Variants in TRNAU1AP observed in about 807,000 individuals in gnomAD.
The protein encoded by TRNAU1AP is tRNA selenocysteine 1 associated protein 1.
TRNAU1AP carries 33 observed loss-of-function variants against 43.3 expected under a neutral mutation model. The ratio of observed to expected loss-of-function variants is 0.76; its 90% CI spans 0.58 to 1.02. The LOEUF (loss-of-function observed/expected upper bound fraction) is 1.02. TRNAU1AP is among the 50% of genes least tolerant of loss of function. The probability of loss-of-function intolerance (pLI) is 0.00; values close to 1 mark genes in which losing one functional copy is unlikely to be tolerated. For missense variants in TRNAU1AP, 290 were observed against 362.7 expected, an observed-to-expected ratio of 0.80 and a Z score of 1.63; for synonymous variants, 143 against 129.1, an observed-to-expected ratio of 1.11 and a Z score of -0.73.
intron 2 of TRNAU1AP, among the ~76,000 whole-genome samples, chr1:28,557,469 CT>C (rs753718490): frequency 0.096 from 11,286 of 118,146 alleles, 887 homozygotes; most frequent in African/African-American, 0.25. Flanking sequence ...TTACATGTTT[CT>C]TTTTTTTTTT....
intron 5 of TRNAU1AP, 93 bp downstream of exon 5, chr1:28,564,927 G>A (rs780772365): frequency 4.0e-6 from 6 of 1,501,058 alleles, no homozygotes; most frequent in Non-Finnish European, 5.5e-6. Flanking sequence ...GCAGCATGGC[G>A]ATTAAGACCA....
chr1:28,553,211 T>C lies in TRNAU1AP; in HGVS notation c.27+74T>C, dbSNP rs59610840. Reference sequence around the variant, plus strand: ...TTTCGCGAGAGAGGAAGGATCTGAGTGGGAGGGGACTTGGGATCCCAGAAA... The same window carrying C: ...TTTCGCGAGAGAGGAAGGATCTGAGCGGGAGGGGACTTGGGATCCCAGAAA... On this transcript the variant is annotated intron_variant, in intron 1 of 8. Coordinates refer to ENST00000373830, the MANE Select transcript of TRNAU1AP (RefSeq NM_017846.5). 3.4e-3 allele frequency: 4,735 copies of C among 1,396,372 alleles called. 110 individuals are homozygous for C. In the African/African-American group the frequency reaches 0.056, roughly 17 times the overall value. The allele number at this position is 1,396,372 out of a possible 1,614,324, so 86.5% of individuals were successfully genotyped here. A position where few individuals can be genotyped will look rare whatever the true frequency, so the allele number is the denominator to read the frequency against.
At chr1:28,560,772 T>C (rs756011550) in intron 3 of TRNAU1AP, 40 bp downstream of exon 3, 7 of 1,484,222 alleles carry the variant, frequency 4.7e-6, no homozygotes, top group Non-Finnish European at 5.6e-6. Flanking sequence ...CCATTATTAT[T>C]GTCATTGCTT....
intron 6 of TRNAU1AP, among the ~76,000 whole-genome samples, chr1:28,570,037 G>A (rs570245987): frequency 7.0e-4 from 106 of 152,066 alleles, no homozygotes; most frequent in African/African-American, 2.4e-3. Context: ...AAGGCGGGGT[G>A]CTGTGGCTCA....
chr1:28,553,467 G>C, intron 1 of TRNAU1AP, 173 bp from the exon 2 acceptor site: 1 of 658,120 alleles, frequency 1.5e-6, no homozygotes. Flanking sequence ...CCTAAAGCGG[G>C]GCAAGCTTGA....
chr1:28,559,382 A>G (rs1665354217), intron 2 of TRNAU1AP, among the ~76,000 whole-genome samples: 1 of 152,114 alleles, frequency 6.6e-6, no homozygotes, highest in African/African-American at 2.4e-5. Context: ...TAATCCTAGC[A>G]CTTTGAGAGG....
intron 3 of TRNAU1AP, 200 bp downstream of exon 3, chr1:28,560,932 C>T: frequency 1.1e-6 from 1 of 902,116 alleles, no homozygotes; most frequent in Non-Finnish European, 1.6e-6. Flanking sequence ...TAGTAAATGG[C>T]AGAGCCAGGA....
In TRNAU1AP at chr1:28,577,930, G is replaced by T. The variant is rs1440592460; in HGVS notation, c.*294G>T. 1.2e-5 allele frequency: 3 copies of T among 246,682 alleles called. No homozygotes were observed. Among genetic ancestry groups the T allele is most frequent in the Admixed American group, 1.1e-4 (2 of 18,728 alleles). 15.3% of individuals were successfully genotyped at this position (246,682 alleles called of 1,614,324 possible). A position where few individuals can be genotyped will look rare whatever the true frequency, so the allele number is the denominator to read the frequency against. The stretch of plus-strand genomic sequence containing the variant: ...TCCAAAACTGGGATGAGCAGCTTGG[G>T]ATAATTCACACACTAAAGCCTGAGT... On this transcript the variant is annotated 3_prime_UTR_variant, in exon 9 of 9. Coordinates refer to ENST00000373830, the MANE Select transcript of TRNAU1AP (RefSeq NM_017846.5).
chr1:28,554,222 A>AC lies in TRNAU1AP; in HGVS notation c.125+485_125+486insC, dbSNP rs1553121337. Among the ~76,000 whole-genome samples, 197 of 142,778 alleles carry AC rather than the reference A, an allele frequency of 1.4e-3. 9 individuals are homozygous for AC. Among genetic ancestry groups the AC allele is most frequent in the African/African-American group, 5.2e-3 (177 of 34,322 alleles). 93.7% of individuals were successfully genotyped at this position (142,778 alleles called of 152,430 possible). On this transcript the variant is annotated intron_variant, in intron 2 of 8. Transcript: ENST00000373830. Reference sequence around the variant, plus strand: ...TCAAAAAAAAAAAAAACAAAAAAACAAAAAACGCAGGACTCAAGCGAGACT... The same window carrying AC: ...TCAAAAAAAAAAAAAACAAAAAAACACAAAAACGCAGGACTCAAGCGAGACT...
intron 8 of TRNAU1AP, among the ~76,000 whole-genome samples, chr1:28,577,073 C>T (rs186414377): frequency 6.6e-6 from 1 of 152,312 alleles, no homozygotes; most frequent in East Asian, 1.9e-4. Flanking sequence ...CTCTAAAGTA[C>T]ATACACACAC....
At chr1:28,574,119 C>T (rs1469100194) in intron 8 of TRNAU1AP, among the ~76,000 whole-genome samples, 13 of 141,402 alleles carry the variant, frequency 9.2e-5, no homozygotes, top group Non-Finnish European at 3.0e-5. Flanking sequence ...CTTGCTCTGT[C>T]ACCCAGGCTG....
At chr1:28,576,397 C>T (rs1451210210) in intron 8 of TRNAU1AP, among the ~76,000 whole-genome samples, 1 of 151,268 alleles carries the variant, frequency 6.6e-6, no homozygotes, top group Non-Finnish European at 1.5e-5. Context: ...CGGCTCACTG[C>T]AACCTCCGCC....
In TRNAU1AP at chr1:28,564,850, T is replaced by C; in HGVS notation, c.410+16T>C. On this transcript the variant is annotated intron_variant, in intron 5 of 8. Transcript: ENST00000373830. ...GCGTGTCTAAGTAAGGCCTTACTTG[T>C]TACTGATGCTTAACTGTGTTAGTTT... is the stretch of plus-strand genomic sequence containing the variant. The C allele has an allele frequency of 6.2e-7, 1 of 1,613,788 alleles. No homozygotes were observed. Among genetic ancestry groups the C allele is most frequent in the Non-Finnish European group, 8.5e-7 (1 of 1,179,856 alleles).
intron 6 of TRNAU1AP, among the ~76,000 whole-genome samples, chr1:28,569,980 G>A (rs981561900): frequency 2.0e-5 from 3 of 151,510 alleles, no homozygotes; most frequent in Non-Finnish European, 2.9e-5. Context: ...CAGCCTGGGC[G>A]ACAGAGCAAG....
At chr1:28,558,795 G>A (rs1665337342) in intron 2 of TRNAU1AP, among the ~76,000 whole-genome samples, 1 of 151,908 alleles carries the variant, frequency 6.6e-6, no homozygotes, top group Admixed American at 6.6e-5. Flanking sequence ...TCAGTCTCCT[G>A]ACCTCGTGAT....
Position 28,577,503 on chromosome 1 carries a change from C to T in TRNAU1AP, c.731C>T (p.Pro244Leu). Reference protein sequence around the residue: ...EEVGDDALEDPMPQLDVTEAN... With the variant: ...EEVGDDALEDLMPQLDVTEAN... ...CCCATCCTTGCTTGCTTTCCAGACC[C>T]CATGCCACAGCTGGATGTGACTGAG... is the stretch of plus-strand genomic sequence containing the variant. The change falls in exon 9 of 9, where the codon CCC becomes CTC. Residue 244 changes from proline (P) to leucine (L), a missense_variant. By Grantham distance (98) the Pro-to-Leu change is moderately conservative (BLOSUM62 -3). This residue lies in a region of TRNAU1AP where 57 missense variants were observed against 55.1 expected (regional missense o/e 1.03). Transcript: ENST00000373830. The T allele has an allele frequency of 6.2e-7, 1 of 1,613,810 alleles. No individual in the cohort carries two copies. The highest frequency in any genetic ancestry group is 8.5e-7 in the Non-Finnish European group (1 of 1,179,884).
intron 2 of TRNAU1AP, 110 bp from the exon 3 acceptor site, chr1:28,560,523 G>A: frequency 1.3e-6 from 1 of 788,154 alleles, no homozygotes; most frequent in East Asian, 2.6e-5. Context: ...TGATCCACCT[G>A]CCTTGGCCTC....
chr1:28,577,173 G>A (rs965355351), intron 8 of TRNAU1AP, among the ~76,000 whole-genome samples: 1 of 152,182 alleles, frequency 6.6e-6, no homozygotes, highest in Non-Finnish European at 1.5e-5. Flanking sequence ...TTGAGATGAT[G>A]CTCTGGACTT....
chr1:28,558,419 A>G (rs1296204686), intron 2 of TRNAU1AP, among the ~76,000 whole-genome samples: 1 of 149,080 alleles, frequency 6.7e-6, no homozygotes, highest in Non-Finnish European at 1.5e-5. Flanking sequence ...TTTGAGACCC[A>G]GTCTCACCGT....
Sources: gnomAD v4.1 joint callset for allele counts (sites outside exome capture counted in the v4.1 genomes callset) on GRCh38, gnomAD v4.1.1 for gene constraint, gnomAD v4.1.1 regional missense constraint, MANE v1.5 for transcripts, NCBI Gene and HGNC (gene_info 2026-07-23, HGNC 2026-07-21) for gene names.